Variants in TTN observed in about 807,000 individuals in gnomAD.
TTN encodes the protein titin.
TTN carries 1,525 observed loss-of-function variants against 3,223.0 expected under a neutral mutation model. That is an observed-to-expected ratio of 0.47 (90% CI 0.45 to 0.49). The LOEUF (loss-of-function observed/expected upper bound fraction) is 0.49. Among genes scored for constraint, TTN ranks in the 20% least tolerant of loss-of-function variants. The pLI is 0.00. For synonymous variants in TTN, 14,094 were observed against 15,161.0 expected, an observed-to-expected ratio of 0.93 and a Z score of 5.17; for missense variants, 40,786 against 43,424.0, an observed-to-expected ratio of 0.94 and a Z score of 5.40.
At chr2:178,778,273 G>A (rs952364052) in intron 24 of TTN, 5 of 367,280 alleles carry the variant, frequency 1.4e-5, no homozygotes, top group African/African-American at 1.0e-4. Context: ...GATTTAATCA[G>A]TCACTAGACT....
intron 218 of TTN, among the ~76,000 whole-genome samples, chr2:178,642,787 A>G (rs921910281): frequency 6.6e-6 from 1 of 151,982 alleles, no homozygotes; most frequent in African/African-American, 2.4e-5. Flanking sequence ...TGTGACTTTG[A>G]TGCTGGGGAA....
intron 2 of TTN, among the ~76,000 whole-genome samples, chr2:178,803,616 T>C (rs1442650476): frequency 6.6e-6 from 1 of 151,868 alleles, no homozygotes; most frequent in Non-Finnish European, 1.5e-5. Context: ...AAAAGAAATT[T>C]TATTTTATAT....
rs1207915137 is a variant in TTN, at chr2:178,640,123, A to G, written c.40724-13T>C. 1 of 1,611,378 alleles carries G rather than the reference A, an allele frequency of 6.2e-7. No individual in the cohort carries two copies. Among genetic ancestry groups the G allele is most frequent in the South Asian group, 1.1e-5 (1 of 90,776 alleles). On this transcript the variant is annotated splice_polypyrimidine_tract_variant and intron_variant, in intron 221 of 362. Transcript: ENST00000589042. ...TTGATTTCAGGCACTGAAATAATTT[A>G]GAGTAGAGGGCAGATTATTACAGGA... is the stretch of plus-strand genomic sequence containing the variant.
At chr2:178,789,148 G>A (rs987811059) in intron 13 of TTN, among the ~76,000 whole-genome samples, 2 of 152,086 alleles carry the variant, frequency 1.3e-5, no homozygotes, top group Non-Finnish European at 2.9e-5. Context: ...GAAGAGATAA[G>A]TGGAGAAAGG....
At position 178,786,144 on chromosome 2, in the gene TTN, G is replaced by T. The variant is rs762120231; in HGVS notation, c.2077-3C>A. On this transcript the variant is annotated splice_region_variant and splice_polypyrimidine_tract_variant and intron_variant, in intron 13 of 362. Transcript: ENST00000589042. ...TCAGCCTTTTTTCCAACGTCCACCT[G>T]GAGACAAGGTTTCCAGAATTAATAC... The T allele has an allele frequency of 8.7e-6, 14 of 1,613,402 alleles. No individual in the cohort carries two copies. Among genetic ancestry groups the T allele is most frequent in the Admixed American group, 3.3e-5 (2 of 59,974 alleles).
At chr2:178,753,212 G>C (rs775688419) in intron 46 of TTN, 32 bp from the exon 47 acceptor site, 8 of 1,508,940 alleles carry the variant, frequency 5.3e-6, no homozygotes, top group Non-Finnish European at 7.3e-6. Context: ...AGAGATTTTA[G>C]TGATTAATTG....
At position 178,757,907 on chromosome 2, in the gene TTN, T is replaced by C; in HGVS notation, c.10313A>G (p.Lys3438Arg). 2 of 1,518,818 alleles carry C rather than the reference T, an allele frequency of 1.3e-6. No individual in the cohort carries two copies. Among genetic ancestry groups the C allele is most frequent in the Non-Finnish European group, 1.8e-6 (2 of 1,135,418 alleles). 94.1% of individuals were successfully genotyped at this position (1,518,818 alleles called of 1,614,324 possible). A position where few individuals can be genotyped will look rare whatever the true frequency, so the allele number is the denominator to read the frequency against. The change falls in exon 45 of 363, where the codon AAA becomes AGA. Residue 3438 changes from lysine to arginine, a missense_variant. By Grantham distance (26) the Lys-to-Arg change is conservative. Transcript: ENST00000589042. ...GGAGTTTGATGTATTTTCTTCAAAT[T>C]TGCTAAATCCTGAAAAGAAGCATAC... Reference protein sequence around the residue: ...TANLSLEGFSKFEENTSNSQW... With the variant: ...TANLSLEGFSRFEENTSNSQW...
Position 178,630,319 on chromosome 2 carries a change from T to C in TTN, c.44203A>G (p.Asn14735Asp). 6.2e-7 allele frequency: 1 copy of C among 1,612,996 alleles called. No homozygotes were observed. Among genetic ancestry groups the C allele is most frequent in the Non-Finnish European group, 8.5e-7 (1 of 1,179,406 alleles). Residue 14735 changes from asparagine to aspartate, a missense_variant, in exon 239 of 363, where the codon AAC becomes GAC. By Grantham distance (23) the Asn-to-Asp change is conservative. Transcript: ENST00000589042. ...CCACCCGTCTGGTCCAGGCGACAGT[T>C]GTGCAAAACAAGGGAGTGTATTTTG... is the stretch of plus-strand genomic sequence containing the variant. ...EGKIHSLVLH[N>D]CRLDQTGGVD...
chr2:178,697,971 C>G (rs1270806561), intron 112 of TTN, among the ~76,000 whole-genome samples: 2 of 152,134 alleles, frequency 1.3e-5, no homozygotes, highest in East Asian at 3.9e-4. Context: ...TTCACAAAGA[C>G]CAAGTTATGG....
chr2:178,616,016 A>C (rs1353450782), intron 257 of TTN, among the ~76,000 whole-genome samples: 2 of 151,992 alleles, frequency 1.3e-5, no homozygotes, highest in Non-Finnish European at 2.9e-5. Flanking sequence ...AAGATGGCAA[A>C]TGAGGTGTTG....
Position 178,766,497 on chromosome 2 carries a change from T to A in TTN, c.9587A>T (p.Tyr3196Phe). The A allele has an allele frequency of 6.2e-7, 1 of 1,614,112 alleles. No individual in the cohort carries two copies. Among genetic ancestry groups the A allele is most frequent in the Non-Finnish European group, 8.5e-7 (1 of 1,179,984 alleles). ...TCGGTGGATTCTTCTTTCCACTACATATTTGTGTCGTTCTTGAACTTGGAA... is the reference window on the plus strand; with the variant it reads ...TCGGTGGATTCTTCTTTCCACTACAAATTTGTGTCGTTCTTGAACTTGGAA... ...INFQVQERHK[Y>F]VVERRIHRMF... Residue 3196 changes from tyrosine (Y) to phenylalanine (F), a missense_variant, in exon 41 of 363, where the codon TAT becomes TTT. Coordinates refer to ENST00000589042, the MANE Select transcript of TTN (RefSeq NM_001267550.2).
Position 178,552,131 on chromosome 2 carries a change from T to C in TTN, c.90769A>G (p.Ile30257Val). The C allele has an allele frequency of 6.2e-7, 1 of 1,613,774 alleles. No individual in the cohort carries two copies. The highest frequency in any genetic ancestry group is 8.5e-7 in the Non-Finnish European group (1 of 1,179,790). ...CGCTTCTCGATGCTGTAACAAGTAA[T>C]TTCTCCTCCTCCATTATCTTCAGGT... ...DVPEDNGGGEITCYSIEKRET... is the reference protein window; with the variant it reads ...DVPEDNGGGEVTCYSIEKRET... Residue 30257 changes from isoleucine to valine, a missense_variant, in exon 335 of 363, where the codon ATT becomes GTT. Transcript: ENST00000589042.
chr2:178,716,593 T>G (rs2077518125), intron 88 of TTN, among the ~76,000 whole-genome samples: 1 of 152,152 alleles, frequency 6.6e-6, no homozygotes, highest in African/African-American at 2.4e-5. Flanking sequence ...ACTGATCTAC[T>G]TACTCCCCAG....
In TTN at chr2:178,568,509, C is replaced by T. The variant is rs763284241; in HGVS notation, c.77623G>A (p.Val25875Ile). ...ATGGATGCTGTCTTCTGACCAACAACATTGGCAACTGTGATTCCATATTGT... is the reference window on the plus strand; with the variant it reads ...ATGGATGCTGTCTTCTGACCAACAATATTGGCAACTGTGATTCCATATTGT... The part of the protein sequence containing the change: ...GGQYGITVAN[V>I]VGQKTASIEI... Residue 25875 changes from valine (V) to isoleucine (I), a missense_variant, in exon 326 of 363, where the codon GTT becomes ATT. Physicochemically the swap from Val to Ile is conservative, Grantham distance 29 (BLOSUM62 3). Coordinates refer to ENST00000589042, the MANE Select transcript of TTN (RefSeq NM_001267550.2). 5.6e-6 allele frequency: 9 copies of T among 1,613,332 alleles called. No individual in the cohort carries two copies. In the Admixed American group the frequency reaches 8.3e-5, roughly 15 times the overall value.
chr2:178,647,038 A>ATG, intron 215 of TTN, 26 bp downstream of exon 215: 3 of 852,600 alleles, frequency 3.5e-6, no homozygotes, highest in Non-Finnish European at 4.6e-6. Flanking sequence ...GATTAAAAAA[A>ATG]TGTATATATA....
Position 178,553,104 on chromosome 2 carries a change from G to T in TTN, c.89796C>A (p.Asp29932Glu). The T allele has an allele frequency of 1.2e-6, 2 of 1,611,722 alleles. No individual in the cohort carries two copies. The highest frequency in any genetic ancestry group is 1.7e-6 in the Non-Finnish European group (2 of 1,178,252). Residue 29932 changes from aspartate to glutamate, a missense_variant, in exon 335 of 363, where the codon GAC becomes GAA. By Grantham distance (45) the Asp-to-Glu change is conservative. Coordinates refer to ENST00000589042, the MANE Select transcript of TTN (RefSeq NM_001267550.2). ...KSSTVSVKVL[D>E]TPAACQKLQV... ...GTAGTTTCTGGCAGGCAGCTGGTGTGTCAAGCACTTTAACACTCACAGTTG... is the reference window on the plus strand; with the variant it reads ...GTAGTTTCTGGCAGGCAGCTGGTGTTTCAAGCACTTTAACACTCACAGTTG...
chr2:178,717,906 A>G (rs765824493), intron 86 of TTN, 37 bp downstream of exon 86: 2 of 1,581,744 alleles, frequency 1.3e-6, no homozygotes, highest in Non-Finnish European at 1.7e-6. Flanking sequence ...AAGAAAATGA[A>G]TCTGTTCACA....
At chr2:178,586,904 G>T in intron 307 of TTN, 97 bp from the exon 308 acceptor site, 2 of 1,490,982 alleles carry the variant, frequency 1.3e-6, no homozygotes, top group Non-Finnish European at 1.8e-6. Flanking sequence ...TTGCTCCAAT[G>T]TACATAGAAC....
chr2:178,732,761 G>T, intron 55 of TTN, 43 bp from the exon 56 acceptor site: 1 of 1,563,564 alleles, frequency 6.4e-7, no homozygotes, highest in Non-Finnish European at 8.7e-7. Context: ...AGTTAAGAGG[G>T]TTGATCTAAG....
Sources: allele counts gnomAD v4.1 joint callset (sites outside exome capture counted in the v4.1 genomes callset), GRCh38; gene constraint gnomAD v4.1.1; transcripts MANE v1.5; gene names NCBI Gene and HGNC (gene_info 2026-07-23, HGNC 2026-07-21).